PAX3: variants seen among roughly 807,000 people sequenced by gnomAD.
The protein encoded by PAX3 is paired box 3, also known as paired box protein Pax-3.
Under a neutral mutation model 51.6 loss-of-function variants are expected in PAX3, and 14 were observed. That is an observed-to-expected ratio of 0.27 (90% CI 0.18 to 0.42). PAX3 has a LOEUF of 0.42. Ranked by LOEUF, PAX3 falls within the 10% of genes least tolerant of loss-of-function variation. The pLI, the probability that PAX3 is intolerant of heterozygous loss-of-function variation, is 1.00. For missense variants in PAX3, 540 were observed against 642.8 expected, an observed-to-expected ratio of 0.84 and a Z score of 1.73; for synonymous variants, 280 against 253.4, an observed-to-expected ratio of 1.11 and a Z score of -1.00.
At position 222,202,020 on chromosome 2, in the gene PAX3, G is replaced by A. The variant is rs367865139; in HGVS notation, c.1344C>T (p.Tyr448=). The A allele has an allele frequency of 6.2e-7, 1 of 1,614,108 alleles. No individual in the cohort carries two copies. Among genetic ancestry groups the A allele is most frequent in the Admixed American group, 1.7e-5 (1 of 60,010 alleles). ...SLDSLPTSQS[Y]CPPTYSTTGY... ...CTGTGGTGCTATAGGTGGGTGGACA[G>A]TAGGACTGAGATGTTGGCAGACTGT... The change falls in exon 8 of 9, where the codon TAC becomes TAT. Residue 448 remains tyrosine (Y), a synonymous_variant. Transcript: ENST00000392070.
At chr2:222,221,945 T>C (rs1172172229) in intron 5 of PAX3, among the ~76,000 whole-genome samples, 1 of 152,076 alleles carries the variant, frequency 6.6e-6, no homozygotes, top group African/African-American at 2.4e-5. Context: ...ATTGCACTGA[T>C]CTCGGTGGAA....
intron 4 of PAX3, among the ~76,000 whole-genome samples, chr2:222,236,180 A>C (rs910947679): frequency 2.0e-5 from 3 of 152,238 alleles, no homozygotes; most frequent in African/African-American, 7.2e-5. Context: ...ACTATTTCTT[A>C]TATCATTCAA....
intron 4 of PAX3, among the ~76,000 whole-genome samples, chr2:222,292,547 G>A (rs755900477): frequency 6.6e-5 from 10 of 152,182 alleles, no homozygotes; most frequent in Non-Finnish European, 8.8e-5. Flanking sequence ...GTCTGCCAGC[G>A]CCGGAGCCTC....
intron 5 of PAX3, among the ~76,000 whole-genome samples, chr2:222,229,325 A>G (rs1434638222): frequency 6.6e-6 from 1 of 151,408 alleles, no homozygotes; most frequent in Non-Finnish European, 1.5e-5. Context: ...GTATTAAAAT[A>G]TTTTTCTATT....
intron 4 of PAX3, among the ~76,000 whole-genome samples, chr2:222,232,499 A>AC: frequency 6.6e-6 from 1 of 151,902 alleles, no homozygotes; most frequent in East Asian, 1.9e-4. Flanking sequence ...GACACCAAGC[A>AC]CCCCGCCCCC....
chr2:222,255,046 G>C (rs905601961), intron 4 of PAX3, among the ~76,000 whole-genome samples: 1 of 152,146 alleles, frequency 6.6e-6, no homozygotes, highest in Non-Finnish European at 1.5e-5. Context: ...GCCTCCCAAA[G>C]TACTGGGATT....
intron 4 of PAX3, among the ~76,000 whole-genome samples, chr2:222,254,464 AG>A (rs775745496): frequency 2.6e-5 from 4 of 152,238 alleles, no homozygotes; most frequent in Non-Finnish European, 5.9e-5. Flanking sequence ...TTAGATGACC[AG>A]GAAGACCTTT....
At chr2:222,253,631 T>C (rs1390680425) in intron 4 of PAX3, among the ~76,000 whole-genome samples, 1 of 144,146 alleles carries the variant, frequency 6.9e-6, no homozygotes, top group East Asian at 2.3e-4. Flanking sequence ...TACAAAACTT[T>C]TCTTTTTTTT....
In PAX3 at chr2:222,248,897, G is replaced by T. The variant is rs189687130; in HGVS notation, c.587-16614C>A. ...AGGAAAGGAGGAAAAACTGGCTGAT[G>T]GTATGATACAGCATTATCCCAAAAT... On this transcript the variant is annotated intron_variant, in intron 4 of 8. Transcript: ENST00000392070. 7.2e-5 allele frequency among the ~76,000 whole-genome samples: 11 copies of T among 152,214 alleles called. No homozygotes were observed. In the East Asian group the frequency reaches 2.1e-3, roughly 29 times the overall value.
intron 4 of PAX3, chr2:222,263,923 C>G (rs1293880606): frequency 6.6e-6 from 1 of 152,128 alleles, no homozygotes; most frequent in Admixed American, 6.6e-5. Context: ...ATAAGATATT[C>G]TTAAAGAATA....
At chr2:222,294,672 A>G (rs991791462) in intron 3 of PAX3, among the ~76,000 whole-genome samples, 2 of 148,024 alleles carry the variant, frequency 1.4e-5, no homozygotes, top group Non-Finnish European at 3.0e-5. Context: ...CCACCAGCCC[A>G]CCGGGTACCC....
At chr2:222,236,078 A>G (rs1692788079) in intron 4 of PAX3, among the ~76,000 whole-genome samples, 1 of 152,212 alleles carries the variant, frequency 6.6e-6, no homozygotes, top group Admixed American at 6.5e-5. Context: ...GTAAACCCCA[A>G]AGGGATGTGG....
At chr2:222,224,011 C>A (rs929858419) in intron 5 of PAX3, among the ~76,000 whole-genome samples, 1 of 152,102 alleles carries the variant, frequency 6.6e-6, no homozygotes, top group African/African-American at 2.4e-5. Context: ...AATGTCTTTG[C>A]TGAGATAATA....
Position 222,247,889 on chromosome 2 carries a change from CTACCTCAT to C in PAX3, c.587-15614_587-15607del, listed in dbSNP as rs1284091428. Among the ~76,000 whole-genome samples the C allele has an allele frequency of 2.0e-5, 3 of 151,804 alleles. No homozygotes were observed. In the East Asian group the frequency reaches 5.9e-4, roughly 30 times the overall value. ...AAATTCTCACTATATCTCATTATATCTACCTCATTACATCTTTATAACTACTCTGTGAG... is the reference window on the plus strand; with the variant it reads ...AAATTCTCACTATATCTCATTATATCTACATCTTTATAACTACTCTGTGAG... On this transcript the variant is annotated intron_variant, in intron 4 of 8. Transcript: ENST00000392070.
intron 1 of PAX3, among the ~76,000 whole-genome samples, chr2:222,297,476 C>T (rs1315942384): frequency 6.6e-6 from 1 of 152,234 alleles, no homozygotes; most frequent in Non-Finnish European, 1.5e-5. Context: ...GCGTCTTCCC[C>T]TTCGGGCCCG....
rs1692194700 is a variant in PAX3, at chr2:222,221,595, C to T, written c.793-208G>A. 9.3e-6 allele frequency: 5 copies of T among 539,492 alleles called. No homozygotes were observed. In the South Asian group the frequency reaches 1.0e-4, roughly 11 times the overall value. 33.4% of individuals were successfully genotyped at this position (539,492 alleles called of 1,614,324 possible). A position where few individuals can be genotyped will look rare whatever the true frequency, so the allele number is the denominator to read the frequency against. Reference sequence around the variant, plus strand: ...GGTCAGTAGAGGGGCTTCAGGGACCCACCATGATCTTGCAACAACAGCCCC... The same window carrying T: ...GGTCAGTAGAGGGGCTTCAGGGACCTACCATGATCTTGCAACAACAGCCCC... On this transcript the variant is annotated intron_variant, in intron 5 of 8. Coordinates refer to ENST00000392070, the MANE Select transcript of PAX3 (RefSeq NM_181458.4).
chr2:222,216,298 T>G (rs953980318), intron 7 of PAX3, among the ~76,000 whole-genome samples: 1 of 152,222 alleles, frequency 6.6e-6, no homozygotes, highest in African/African-American at 2.4e-5. Context: ...TTGTGTTGCC[T>G]TGGCCTCAGT....
At chr2:222,294,143 G>T in intron 4 of PAX3, 24 bp downstream of exon 4, 1 of 1,613,892 alleles carries the variant, frequency 6.2e-7, no homozygotes, top group East Asian at 2.2e-5. Flanking sequence ...CAGCAAGTGC[G>T]CCGCCCAAGG....
At position 222,220,168 on chromosome 2, in the gene PAX3, G is replaced by T. The variant is rs756229758; in HGVS notation, c.1145C>A (p.Pro382His). 3.1e-6 allele frequency: 5 copies of T among 1,613,796 alleles called. No homozygotes were observed. Among genetic ancestry groups the T allele is most frequent in the Non-Finnish European group, 3.4e-6 (4 of 1,179,884 alleles). ...AGGTGAGAGGCCATTGCCAATGGTG[G>T]GGTTCATGGGGTTGGAGGGCCCCGA... is the stretch of plus-strand genomic sequence containing the variant. ...PPSGPSNPMNPTIGNGLSPQV... is the reference protein window; with the variant it reads ...PPSGPSNPMNHTIGNGLSPQV... Residue 382 changes from proline (P) to histidine (H), a missense_variant, in exon 7 of 9, where the codon CCC becomes CAC. By Grantham distance (77) the Pro-to-His change is moderately conservative. Coordinates refer to ENST00000392070, the MANE Select transcript of PAX3 (RefSeq NM_181458.4).
Sources: allele counts gnomAD v4.1 joint callset (sites outside exome capture counted in the v4.1 genomes callset), GRCh38; gene constraint gnomAD v4.1.1; transcripts MANE v1.5; gene names NCBI Gene and HGNC (gene_info 2026-07-23, HGNC 2026-07-21).